Variants in KIF22 observed in about 807,000 individuals in gnomAD.
KIF22 encodes the protein kinesin family member 22.
In KIF22, 62 loss-of-function variants were observed where a neutral mutation model predicts 73.0. The ratio of observed to expected loss-of-function variants is 0.85; its 90% CI spans 0.69 to 1.05. The LOEUF is 1.05. Ranked by LOEUF, KIF22 falls within the 50% of genes least tolerant of loss-of-function variation. The pLI, the probability that KIF22 is intolerant of heterozygous loss-of-function variation, is 0.00. For synonymous variants in KIF22, 411 were observed against 340.1 expected (o/e 1.21, Z -2.29); for missense variants, 854 against 870.1 (o/e 0.98, Z 0.23).
At chr16:29,795,951 A>G (rs973607852) in intron 1 of KIF22, among the ~76,000 whole-genome samples, 6 of 152,062 alleles carry the variant, frequency 3.9e-5, no homozygotes, top group East Asian at 3.9e-4. Flanking sequence ...ATACGTCTCA[A>G]TACATATTAG....
rs1474734765 is a variant in KIF22, at chr16:29,804,047, T to C, written c.1659T>C (p.Asn553=). 6 of 1,613,640 alleles carry C rather than the reference T, an allele frequency of 3.7e-6. No homozygotes were observed. The highest frequency in any genetic ancestry group is 5.1e-6 in the Non-Finnish European group (6 of 1,179,822). ...ATGCCGAGATCCACATCCTGAAGAATAAAGGCCGGAAGAGAAAGGTGAAAG... is the reference window on the plus strand; with the variant it reads ...ATGCCGAGATCCACATCCTGAAGAACAAAGGCCGGAAGAGAAAGGTGAAAG... The part of the protein sequence containing the change: ...SPNAEIHILK[N]KGRKRKLESL... The change falls in exon 11 of 14, where the codon AAT becomes AAC. Residue 553 remains asparagine (N), a synonymous_variant. Coordinates refer to ENST00000160827, the MANE Select transcript of KIF22 (RefSeq NM_007317.3).
intron 12 of KIF22, 22 bp downstream of exon 12, chr16:29,805,048 GGAGGGC>G: frequency 6.2e-7 from 1 of 1,611,684 alleles, no homozygotes; most frequent in South Asian, 1.1e-5. Context: ...CTGGACTGGG[GGAGGGC>G]GGGGGCGGGG....
At chr16:29,805,088 T>C in intron 12 of KIF22, 27 bp from the exon 13 acceptor site, 21 of 1,612,026 alleles carry the variant, frequency 1.3e-5, no homozygotes, top group Non-Finnish European at 1.5e-5. Context: ...CCCGAGACCC[T>C]GTCCCCTATC....
chr16:29,798,121 A>C lies in KIF22; in HGVS notation c.267-253A>C, dbSNP rs1420239246. On this transcript the variant is annotated intron_variant, in intron 2 of 13. Coordinates refer to ENST00000160827, the MANE Select transcript of KIF22 (RefSeq NM_007317.3). The surrounding 1 kb of genome is among the most constrained non-coding windows in gnomAD (Gnocchi z 4.1). ...TGTGGATATCTATCCTACCAGACTG[A>C]AAAACTCCAAGAGCAGGGATATCAG... Among the ~76,000 whole-genome samples the C allele has an allele frequency of 1.3e-5, 2 of 152,188 alleles. No individual in the cohort carries two copies. Among genetic ancestry groups the C allele is most frequent in the African/African-American group, 4.8e-5 (2 of 41,442 alleles).
At chr16:29,791,244 T>C in intron 1 of KIF22, 2 of 1,040,542 alleles carry the variant, frequency 1.9e-6, no homozygotes, top group African/African-American at 3.4e-5. Context: ...AAGGGTTCTG[T>C]GTGGGACATG....
chr16:29,804,098 G>A, intron 11 of KIF22, 33 bp downstream of exon 11: 1 of 1,556,194 alleles, frequency 6.4e-7, no homozygotes, highest in Non-Finnish European at 8.9e-7. Flanking sequence ...GCTACACCTG[G>A]AGCCCAGAAG....
At chr16:29,804,650 G>A (rs985613721) in intron 11 of KIF22, 164 bp from the exon 12 acceptor site, 1 of 705,394 alleles carries the variant, frequency 1.4e-6, no homozygotes, top group Non-Finnish European at 2.6e-6. Flanking sequence ...TGCATAATAA[G>A]AATTAACCCA....
In KIF22 at chr16:29,799,383, G is replaced by C; in HGVS notation, c.879G>C (p.Glu293Asp). The C allele has an allele frequency of 6.2e-6, 10 of 1,614,280 alleles. No homozygotes were observed. The highest frequency in any genetic ancestry group is 1.6e-4 in the Middle Eastern group (1 of 6,062). Reference sequence around the variant, plus strand: ...GCAACAAGGGCCTTCGGCTAAAAGAGAGTGGAGCCATCAACACCTCCCTGT... The same window carrying C: ...GCAACAAGGGCCTTCGGCTAAAAGACAGTGGAGCCATCAACACCTCCCTGT... ...RTGNKGLRLK[E>D]SGAINTSLFV... The change falls in exon 6 of 14, where the codon GAG becomes GAC. Residue 293 changes from glutamate to aspartate, a missense_variant. Glu to Asp is a conservative substitution (Grantham distance 45). Transcript: ENST00000160827.
chr16:29,805,262 G>T lies in KIF22; in HGVS notation c.1951-1G>T. On this transcript the variant is annotated splice_acceptor_variant, in intron 13 of 13. Coordinates refer to ENST00000160827, the MANE Select transcript of KIF22 (RefSeq NM_007317.3). LOFTEE classifies it high-confidence loss of function. ...CTGTCTCCCTCCCTCCTGTGTTGCA[G>T]GCAAACATCCTGGGTCTCGCCGCCG... 1 of 1,614,136 alleles carries T rather than the reference G, an allele frequency of 6.2e-7. No individual in the cohort carries two copies. The highest frequency in any genetic ancestry group is 8.5e-7 in the Non-Finnish European group (1 of 1,180,040).
chr16:29,793,295 C>T (rs934585976), intron 1 of KIF22, among the ~76,000 whole-genome samples: 1 of 152,166 alleles, frequency 6.6e-6, no homozygotes, highest in African/African-American at 2.4e-5. Context: ...CAAAAATTAG[C>T]TGGGCGTGGT....
At position 29,790,768 on chromosome 16, in the gene KIF22, G is replaced by C. The variant is rs781453696; in HGVS notation, c.9G>C (p.Ala3=). 1.9e-6 allele frequency: 3 copies of C among 1,597,068 alleles called. No individual in the cohort carries two copies. Among genetic ancestry groups the C allele is most frequent in the Admixed American group, 1.7e-5 (1 of 57,640 alleles). ...CCCAAGGAGGGAGTGGAATGGCCGC[G>C]GGCGGCTCGACGCAGCAGAGGCGAC... The part of the protein sequence containing the change: MA[A]GGSTQQRRRE... Residue 3 remains alanine (A), a synonymous_variant, in exon 1 of 14, where the codon GCG becomes GCC. Transcript: ENST00000160827.
rs573096286 is a variant in KIF22 at position 29,799,366 on chromosome 16, G to A, written c.862G>A (p.Gly288Ser). 6.2e-7 allele frequency: 1 copy of A among 1,614,224 alleles called. No homozygotes were observed. The highest frequency in any genetic ancestry group is 8.5e-7 in the Non-Finnish European group (1 of 1,180,046). Residue 288 changes from glycine to serine, a missense_variant, in exon 6 of 14, where the codon GGC becomes AGC. Physicochemically the swap from Gly to Ser is moderately conservative, Grantham distance 56 (BLOSUM62 0). Transcript: ENST00000160827. ...GGACAACCGGCGCACAGGCAACAAGGGCCTTCGGCTAAAAGAGAGTGGAGC... is the reference window on the plus strand; with the variant it reads ...GGACAACCGGCGCACAGGCAACAAGAGCCTTCGGCTAAAAGAGAGTGGAGC... ...SEDNRRTGNKGLRLKESGAIN... is the reference protein window; with the variant it reads ...SEDNRRTGNKSLRLKESGAIN...
At position 29,796,788 on chromosome 16, in the gene KIF22, C is replaced by T; in HGVS notation, c.71-105C>T. The T allele has an allele frequency of 9.5e-6, 10 of 1,052,912 alleles. No individual in the cohort carries two copies. The Admixed American group carries it at 1.7e-4, about 18-fold the overall frequency. 65.2% of individuals were successfully genotyped at this position (1,052,912 alleles called of 1,614,324 possible). A position where few individuals can be genotyped will look rare whatever the true frequency, so the allele number is the denominator to read the frequency against. On this transcript the variant is annotated intron_variant, in intron 1 of 13. Transcript: ENST00000160827. ...CACAACATGACCAGGGCAGAATGAG[C>T]TTCTCCAACATGAGCTGTGGCCCCC... is the stretch of plus-strand genomic sequence containing the variant.
chr16:29,804,475 C>T, intron 11 of KIF22: 1 of 646,206 alleles, frequency 1.5e-6, no homozygotes. Flanking sequence ...CTCCCATGTA[C>T]TTTTTGAAAG....
Position 29,803,571 on chromosome 16 carries a change from G to A in KIF22, c.1572G>A (p.Lys524=). 9 of 1,612,952 alleles carry A rather than the reference G, an allele frequency of 5.6e-6. No individual in the cohort carries two copies. Among genetic ancestry groups the A allele is most frequent in the Middle Eastern group, 1.7e-4 (1 of 6,042 alleles). ...PLSHRTVTGA[K]PLKKAVVMPL... ...CACATCGCACAGTCACAGGGGCAAA[G>A]CCCCTGAAAAAGGCTGTGGTGATGC... The change falls in exon 10 of 14, where the codon AAG becomes AAA. Residue 524 remains lysine (K), a synonymous_variant. Transcript: ENST00000160827.
At chr16:29,790,868 C>A in intron 1 of KIF22, 39 bp downstream of exon 1, 1 of 1,574,290 alleles carries the variant, frequency 6.4e-7, no homozygotes, top group East Asian at 2.3e-5. Flanking sequence ...GTACCGACGT[C>A]TGGAGTTTAG....
rs1405077180 is a variant in KIF22, at chr16:29,790,804, G to C, written c.45G>C (p.Ala15=). ...CGCAGCAGAGGCGACGCGAGATGGCGGCAGCTTCAGCGGCGGCGATCTCAG... is the reference window on the plus strand; with the variant it reads ...CGCAGCAGAGGCGACGCGAGATGGCCGCAGCTTCAGCGGCGGCGATCTCAG... ...GSTQQRRREM[A]AASAAAISGA... The change falls in exon 1 of 14, where the codon GCG becomes GCC. Residue 15 remains alanine (A), a synonymous_variant. Coordinates refer to ENST00000160827, the MANE Select transcript of KIF22 (RefSeq NM_007317.3). 6.2e-7 allele frequency: 1 copy of C among 1,604,926 alleles called. No individual in the cohort carries two copies. Among genetic ancestry groups the C allele is most frequent in the South Asian group, 1.1e-5 (1 of 89,426 alleles).
chr16:29,790,829 G>C lies in KIF22; in HGVS notation c.70G>C (p.Gly24Arg). The C allele has an allele frequency of 6.2e-7, 1 of 1,600,602 alleles. No homozygotes were observed. The highest frequency in any genetic ancestry group is 8.5e-7 in the Non-Finnish European group (1 of 1,173,722). ...MAAASAAAISGAGRCRLSKIG... is the reference protein window; with the variant it reads ...MAAASAAAISRAGRCRLSKIG... ...GGCAGCTTCAGCGGCGGCGATCTCA[G>C]GTACTTGAGCCCGGCCTGGGCAAGG... Residue 24 changes from glycine to arginine, a missense_variant and splice_region_variant, in exon 1 of 14, where the codon GGA becomes CGA. This residue lies in a region of KIF22 where 186 missense variants were observed against 152.9 expected (regional missense o/e 1.22). Coordinates refer to ENST00000160827, the MANE Select transcript of KIF22 (RefSeq NM_007317.3).
chr16:29,804,515 G>C, intron 11 of KIF22: 1 of 658,416 alleles, frequency 1.5e-6, no homozygotes, highest in African/African-American at 1.8e-5. Context: ...TTAGAGATGA[G>C]GGACCAGATT....
Sources: allele counts gnomAD v4.1 joint callset (sites outside exome capture counted in the v4.1 genomes callset), GRCh38; gene constraint gnomAD v4.1.1; regional missense constraint gnomAD v4.1.1; non-coding constraint Gnocchi (gnomAD v3.1); transcripts MANE v1.5; gene names NCBI Gene and HGNC (gene_info 2026-07-23, HGNC 2026-07-21).